CTNND2: variants seen among roughly 807,000 people sequenced by gnomAD.
CTNND2 encodes catenin delta 2.
In CTNND2, 22 loss-of-function variants were observed where a neutral mutation model predicts 144.4. That is an observed-to-expected ratio of 0.15 (90% CI 0.11 to 0.22). The LOEUF is 0.22. Ranked by LOEUF, CTNND2 falls within the 10% of genes least tolerant of loss-of-function variation. The pLI, the probability that CTNND2 is intolerant of heterozygous loss-of-function variation, is 1.00. For synonymous variants in CTNND2, 751 were observed against 695.6 expected, an observed-to-expected ratio of 1.08 and a Z score of -1.25; for missense variants, 1,353 against 1,618.8, an observed-to-expected ratio of 0.84 and a Z score of 2.82.
rs1444076937 is a variant in CTNND2 at position 11,903,921 on chromosome 5, C to G, written c.-68G>C. 10 of 1,389,246 alleles carry G rather than the reference C, an allele frequency of 7.2e-6. No individual in the cohort carries two copies. The East Asian group carries it at 2.8e-4, about 39-fold the overall frequency. 86.1% of individuals were successfully genotyped at this position (1,389,246 alleles called of 1,614,324 possible). On this transcript the variant is annotated 5_prime_UTR_variant, in exon 1 of 22. Transcript: ENST00000304623. This position sits in a 1 kb window ranked among gnomAD's most constrained non-coding sequence, Gnocchi z 5.4. ...TGCGCGGCGCCGCCCGGCTTCAGGG[C>G]AAGGTCCTGACCTTGCCCAACTGCA... is the stretch of plus-strand genomic sequence containing the variant.
Position 11,186,012 on chromosome 5 carries a change from G to A in CTNND2, c.1975+13436C>T, listed in dbSNP as rs192357778. The stretch of plus-strand genomic sequence containing the variant: ...TGTCAGACCTAACAAATGGAAATGC[G>A]CTGTACATTTCAATCTCGGCAAATA... On this transcript the variant is annotated intron_variant, in intron 11 of 21. Coordinates refer to ENST00000304623, the MANE Select transcript of CTNND2 (RefSeq NM_001332.4). 2.8e-4 allele frequency among the ~76,000 whole-genome samples: 42 copies of A among 152,302 alleles called. No individual in the cohort carries two copies. The East Asian group carries it at 7.3e-3, about 27-fold the overall frequency.
intron 9 of CTNND2, among the ~76,000 whole-genome samples, chr5:11,302,447 C>A (rs948594181): frequency 6.6e-6 from 1 of 152,134 alleles, no homozygotes; most frequent in African/African-American, 2.4e-5. Context: ...CTTTATCCCC[C>A]AGTCTGTTCC....
chr5:11,747,467 G>A (rs578084528), intron 1 of CTNND2, among the ~76,000 whole-genome samples: 1 of 152,306 alleles, frequency 6.6e-6, no homozygotes, highest in East Asian at 1.9e-4. Flanking sequence ...CACAGTGACT[G>A]TCCAGAATAC....
At chr5:11,296,951 T>G (rs890583332) in intron 9 of CTNND2, among the ~76,000 whole-genome samples, 2 of 152,210 alleles carry the variant, frequency 1.3e-5, no homozygotes, top group African/African-American at 2.4e-5. Flanking sequence ...ACCTGCACGT[T>G]GTGCACATGT....
chr5:11,799,917 A>G (rs1034126325), intron 1 of CTNND2, among the ~76,000 whole-genome samples: 1 of 152,170 alleles, frequency 6.6e-6, no homozygotes, highest in African/African-American at 2.4e-5. Context: ...TGCATTTTCT[A>G]CTACTCCAAA....
At chr5:11,846,339 G>A (rs1794734371) in intron 1 of CTNND2, among the ~76,000 whole-genome samples, 1 of 152,058 alleles carries the variant, frequency 6.6e-6, no homozygotes, top group African/African-American at 2.4e-5. Context: ...CTGTACAGAT[G>A]GCAAAGGTGC....
intron 18 of CTNND2, among the ~76,000 whole-genome samples, chr5:10,998,730 G>T (rs748275863): frequency 6.6e-6 from 1 of 152,124 alleles, no homozygotes; most frequent in Non-Finnish European, 1.5e-5. Context: ...ACATGTACAT[G>T]TTGTTTTTTC....
At chr5:11,706,843 T>C (rs1385989945) in intron 2 of CTNND2, among the ~76,000 whole-genome samples, 1 of 151,970 alleles carries the variant, frequency 6.6e-6, no homozygotes, top group Non-Finnish European at 1.5e-5. Context: ...CCCAGCACTT[T>C]GGGAGGCTGA....
At chr5:11,484,952 C>A (rs1199770572) in intron 3 of CTNND2, among the ~76,000 whole-genome samples, 1 of 152,124 alleles carries the variant, frequency 6.6e-6, no homozygotes, top group Non-Finnish European at 1.5e-5. Context: ...GTAAAACCTT[C>A]ACTATTTATT....
At chr5:11,886,689 C>G (rs189726603) in intron 1 of CTNND2, among the ~76,000 whole-genome samples, 10 of 152,146 alleles carry the variant, frequency 6.6e-5, no homozygotes, top group African/African-American at 2.4e-4. Flanking sequence ...AAGAATTACA[C>G]GGGTTGTGTA....
In CTNND2 at chr5:11,183,856, G is replaced by A. The variant is rs1177780744; in HGVS notation, c.1975+15592C>T. Among the ~76,000 whole-genome samples the A allele has an allele frequency of 3.3e-5, 5 of 152,210 alleles. No individual in the cohort carries two copies. The East Asian group carries it at 9.7e-4, about 29-fold the overall frequency. On this transcript the variant is annotated intron_variant, in intron 11 of 21. Transcript: ENST00000304623. ...TTACAGGCTTGAGCCACCGCGCCTG[G>A]CCTAGTTTTGTGTACTCTCTCTCTT...
intron 16 of CTNND2, among the ~76,000 whole-genome samples, chr5:11,077,318 A>C (rs557159016): frequency 6.6e-6 from 1 of 152,202 alleles, no homozygotes; most frequent in Non-Finnish European, 1.5e-5. Context: ...TGTGGAGAAA[A>C]TTAAGCAGGG....
intron 2 of CTNND2, among the ~76,000 whole-genome samples, chr5:11,724,706 A>C (rs761271699): frequency 1.3e-5 from 2 of 152,204 alleles, no homozygotes; most frequent in African/African-American, 4.8e-5. Flanking sequence ...TGTCAAAACT[A>C]TATGTGGAAT....
chr5:11,312,610 G>A (rs1319403737), intron 9 of CTNND2, among the ~76,000 whole-genome samples: 1 of 142,904 alleles, frequency 7.0e-6, no homozygotes, highest in African/African-American at 2.5e-5. Context: ...TACAATTCAA[G>A]CTGAGATTTG....
intron 1 of CTNND2, among the ~76,000 whole-genome samples, chr5:11,872,094 T>C (rs1735181982): frequency 6.6e-6 from 1 of 151,846 alleles, no homozygotes; most frequent in African/African-American, 2.4e-5. Context: ...CCATGTGTTC[T>C]CATGGTTCAA....
chr5:11,596,433 C>A (rs148302760), intron 2 of CTNND2, among the ~76,000 whole-genome samples: 1,805 of 152,202 alleles, frequency 0.012, 32 homozygotes, highest in African/African-American at 0.042. Flanking sequence ...TAAGGAATAC[C>A]AATAAGAAAA....
intron 15 of CTNND2, among the ~76,000 whole-genome samples, chr5:11,089,375 A>C (rs1325030566): frequency 2.0e-5 from 3 of 152,218 alleles, no homozygotes; most frequent in Non-Finnish European, 2.9e-5. Context: ...TTGCAAAAAC[A>C]ACCTCATGGA....
In CTNND2 at chr5:11,434,122, A is replaced by G. The variant is rs192328778; in HGVS notation, c.288-22053T>C. ...CAACAATCTGTAGTATATTTATACA[A>G]TAGAAAGCTACTCAGCAATGTACAG... On this transcript the variant is annotated intron_variant, in intron 3 of 21. Transcript: ENST00000304623. Among the ~76,000 whole-genome samples, 333 of 152,370 alleles carry G rather than the reference A, an allele frequency of 2.2e-3. 4 individuals carry two copies. The highest frequency in any genetic ancestry group is 3.4e-4 in the Non-Finnish European group (23 of 68,032).
At chr5:11,047,876 G>C (rs796599529) in intron 16 of CTNND2, among the ~76,000 whole-genome samples, 1 of 152,118 alleles carries the variant, frequency 6.6e-6, no homozygotes, top group Non-Finnish European at 1.5e-5. Context: ...TATGCTCCAG[G>C]AGATGGGACT....
Sources: gnomAD v4.1 joint callset for allele counts (sites outside exome capture counted in the v4.1 genomes callset) on GRCh38, gnomAD v4.1.1 for gene constraint, Gnocchi (gnomAD v3.1) non-coding constraint, MANE v1.5 for transcripts, NCBI Gene and HGNC (gene_info 2026-07-23, HGNC 2026-07-21) for gene names.